The following MAD1L1 variants were observed in gnomAD, a reference collection of about 807,000 sequenced individuals.
The protein encoded by MAD1L1 is mitotic spindle assembly checkpoint protein MAD1.
Under a neutral mutation model 96.9 loss-of-function variants are expected in MAD1L1, and 95 were observed. The ratio of observed to expected loss-of-function variants is 0.98; its 90% CI spans 0.83 to 1.16. The LOEUF is 1.16. Ranked by LOEUF, MAD1L1 falls within the 50% of genes most tolerant of loss-of-function variation. The pLI is 0.00. For missense variants in MAD1L1, 1,007 were observed against 954.4 expected (o/e 1.06, Z -0.73); for synonymous variants, 473 against 396.6 (o/e 1.19, Z -2.29).
chr7:2,179,721 G>A (rs1321724500), intron 10 of MAD1L1, among the ~76,000 whole-genome samples: 2 of 152,048 alleles, frequency 1.3e-5, no homozygotes, highest in East Asian at 3.9e-4. Flanking sequence ...TGTAATCCCA[G>A]CACTTTGGGA....
chr7:2,139,688 T>TG, intron 11 of MAD1L1, among the ~76,000 whole-genome samples: 1 of 152,148 alleles, frequency 6.6e-6, no homozygotes, highest in Admixed American at 6.5e-5. Context: ...TCAAGGCTGA[T>TG]GGGGGAGGAA....
At chr7:2,015,510 G>A (rs1428276885) in intron 12 of MAD1L1, among the ~76,000 whole-genome samples, 1 of 152,230 alleles carries the variant, frequency 6.6e-6, no homozygotes, top group Non-Finnish European at 1.5e-5. Flanking sequence ...CCATGGGTCG[G>A]GAACTGAGCT....
intron 18 of MAD1L1, among the ~76,000 whole-genome samples, chr7:1,887,335 G>A (rs1392324593): frequency 6.6e-6 from 1 of 151,754 alleles, no homozygotes; most frequent in Non-Finnish European, 1.5e-5. Context: ...ATGCGTGGCT[G>A]CCTGTGTACG....
chr7:1,878,397 T>C (rs534439411), intron 18 of MAD1L1, among the ~76,000 whole-genome samples: 10 of 152,140 alleles, frequency 6.6e-5, no homozygotes, highest in East Asian at 1.9e-4. Flanking sequence ...CACAAGATCA[T>C]AGATGCAAAA....
At chr7:1,997,445 C>A (rs970833118) in intron 14 of MAD1L1, among the ~76,000 whole-genome samples, 1 of 152,262 alleles carries the variant, frequency 6.6e-6, no homozygotes, top group Non-Finnish European at 1.5e-5. Context: ...ACAGCACCCA[C>A]TGCCGAGCCA....
chr7:2,000,023 C>T (rs1187413989), intron 14 of MAD1L1, among the ~76,000 whole-genome samples: 18 of 152,204 alleles, frequency 1.2e-4, no homozygotes, highest in Admixed American at 9.2e-4. Flanking sequence ...CTGCTACCTA[C>T]TCATTCCCAA....
In MAD1L1 at chr7:2,062,257, C is replaced by CA. The variant is rs56706072; in HGVS notation, c.1218+6936dup. On this transcript the variant is annotated intron_variant, in intron 12 of 18. Coordinates refer to ENST00000265854, the MANE Select transcript of MAD1L1 (RefSeq NM_001013836.2). ...ACTCCATTTCAAAAAACAGCAACGA[C>CA]AAAAAAAAAAAAAAAAAAACAGGGA... 6.0e-3 allele frequency among the ~76,000 whole-genome samples: 617 copies of CA among 102,738 alleles called. 5 individuals are homozygous for CA. The highest frequency in any genetic ancestry group is 0.023 in the East Asian group (87 of 3,708). 67.4% of individuals were successfully genotyped at this position (102,738 alleles called of 152,430 possible).
intron 11 of MAD1L1, among the ~76,000 whole-genome samples, chr7:2,100,604 G>A (rs1786730129): frequency 6.6e-6 from 1 of 152,258 alleles, no homozygotes; most frequent in Non-Finnish European, 1.5e-5. Context: ...TCCGTGTCCT[G>A]GGCCCTGGCT....
At chr7:1,988,589 T>C (rs1781265703) in intron 14 of MAD1L1, among the ~76,000 whole-genome samples, 1 of 152,112 alleles carries the variant, frequency 6.6e-6, no homozygotes, top group Non-Finnish European at 1.5e-5. Flanking sequence ...ACGGTGGCTG[T>C]GAAGCAGCAG....
intron 16 of MAD1L1, among the ~76,000 whole-genome samples, chr7:1,939,479 CATG>C (rs1778835644): frequency 5.9e-4 from 1 of 1,702 alleles, no homozygotes; most frequent in Non-Finnish European, 3.3e-3. Flanking sequence ...CAGGCACAGA[CATG>C]ACCATGGTCA....
intron 11 of MAD1L1, among the ~76,000 whole-genome samples, chr7:2,071,503 G>A (rs899047923): frequency 1.3e-5 from 2 of 152,212 alleles, no homozygotes; most frequent in Non-Finnish European, 2.9e-5. Context: ...GGGCTTTCCC[G>A]ACTGAGGCCT....
chr7:1,916,194 C>G (rs528159370), intron 17 of MAD1L1, among the ~76,000 whole-genome samples: 1 of 152,142 alleles, frequency 6.6e-6, no homozygotes, highest in Non-Finnish European at 1.5e-5. Flanking sequence ...GACATGCAAA[C>G]GGGTGAAGCC....
chr7:1,879,963 C>G (rs1785594671), intron 18 of MAD1L1, among the ~76,000 whole-genome samples: 2 of 152,160 alleles, frequency 1.3e-5, no homozygotes, highest in African/African-American at 4.8e-5. Flanking sequence ...ATCTCCTGAC[C>G]TGGTGATCCG....
chr7:1,949,670 T>C (rs959930635), intron 16 of MAD1L1, among the ~76,000 whole-genome samples: 1 of 152,176 alleles, frequency 6.6e-6, no homozygotes, highest in Middle Eastern at 3.2e-3. Context: ...CCTTCTCCTC[T>C]AAAAAGCTGC....
Position 1,856,417 on chromosome 7 carries a change from G to T in MAD1L1, c.1999-40189C>A, listed in dbSNP as rs12671856. Among the ~76,000 whole-genome samples the T allele has an allele frequency of 3.5e-3, 531 of 152,346 alleles. 10 individuals carry two copies. Among genetic ancestry groups the T allele is most frequent in the East Asian group, 0.014 (70 of 5,176 alleles). On this transcript the variant is annotated intron_variant, in intron 18 of 18. Coordinates refer to ENST00000265854, the MANE Select transcript of MAD1L1 (RefSeq NM_001013836.2). ...CTGTGGGGGCCCCCTGCCTCCAGCGGCCCCTGCCGGGGTTGGGGGATGGGA... is the reference window on the plus strand; with the variant it reads ...CTGTGGGGGCCCCCTGCCTCCAGCGTCCCCTGCCGGGGTTGGGGGATGGGA...
At chr7:2,135,231 A>G (rs562409822) in intron 11 of MAD1L1, among the ~76,000 whole-genome samples, 68 of 152,228 alleles carry the variant, frequency 4.5e-4, no homozygotes, top group South Asian at 8.3e-4. Flanking sequence ...CCTTCTTCCA[A>G]CTGCACACCT....
intron 18 of MAD1L1, among the ~76,000 whole-genome samples, chr7:1,863,168 C>CG (rs1784612072): frequency 6.6e-6 from 1 of 152,242 alleles, no homozygotes; most frequent in South Asian, 2.1e-4. Flanking sequence ...ACGAGGAGGC[C>CG]GCCTCAGCAC....
intron 4 of MAD1L1, among the ~76,000 whole-genome samples, 153 bp downstream of exon 4, chr7:2,225,257 G>C (rs13222228): frequency 2.9e-5 from 1 of 34,942 alleles, no homozygotes; most frequent in African/African-American, 6.6e-5. Flanking sequence ...CCCAGGGACT[G>C]GGATCTGATT....
intron 11 of MAD1L1, among the ~76,000 whole-genome samples, chr7:2,071,720 C>T (rs998447475): frequency 1.3e-5 from 2 of 152,086 alleles, no homozygotes; most frequent in African/African-American, 4.8e-5. Flanking sequence ...CCATCAAAAC[C>T]CAAAGGTTTC....
Sources: gnomAD v4.1 joint callset for allele counts (sites outside exome capture counted in the v4.1 genomes callset) on GRCh38, gnomAD v4.1.1 for gene constraint, MANE v1.5 for transcripts, NCBI Gene and HGNC (gene_info 2026-07-23, HGNC 2026-07-21) for gene names.